The following MALRD1 variants were observed in gnomAD, a reference collection of about 807,000 sequenced individuals.
MALRD1 encodes MAM and LDL receptor class A domain containing 1.
Under a neutral mutation model 242.1 loss-of-function variants are expected in MALRD1, and 247 were observed. The ratio of observed to expected loss-of-function variants is 1.02; its 90% confidence interval spans 0.92 to 1.13. The LOEUF is 1.13. MALRD1 is among the 50% of genes most tolerant of loss of function. The probability of loss-of-function intolerance (pLI) is 0.00; values close to 1 mark genes in which losing one functional copy is unlikely to be tolerated. For synonymous variants in MALRD1, 995 were observed against 866.6 expected (o/e 1.15, Z -2.60); for missense variants, 2,989 against 2,533.1 (o/e 1.18, Z -3.86).
chr10:19,078,830 T>C (rs569318844), intron 2 of MALRD1, among the ~76,000 whole-genome samples: 23 of 151,940 alleles, frequency 1.5e-4, no homozygotes, highest in Admixed American at 1.4e-3. Flanking sequence ...CCCTTGTAAT[T>C]CTTTTTATTT....
At position 19,554,885 on chromosome 10, in the gene MALRD1, T is replaced by A. The variant is rs141355078; in HGVS notation, c.5479-12617T>A. ...TGCATGTATCTTTGTAATAGAATGA[T>A]TTATATTCCTTTGGGTATATACCCA... On this transcript the variant is annotated intron_variant, in intron 32 of 39. Transcript: ENST00000454679. 2.7e-3 allele frequency among the ~76,000 whole-genome samples: 408 copies of A among 152,288 alleles called. 7 individuals are homozygous for A. In the East Asian group the frequency reaches 0.058, roughly 22 times the overall value.
intron 21 of MALRD1, among the ~76,000 whole-genome samples, chr10:19,287,349 A>G (rs923520607): frequency 1.4e-4 from 21 of 152,044 alleles, no homozygotes; most frequent in African/African-American, 3.9e-4. Context: ...TCCTATTAAG[A>G]GGAATAAAAC....
chr10:19,358,552 A>G (rs1427634933), intron 26 of MALRD1, among the ~76,000 whole-genome samples: 1 of 152,204 alleles, frequency 6.6e-6, no homozygotes, highest in African/African-American at 2.4e-5. Flanking sequence ...ATTTAAAGAC[A>G]TAAACTTGGA....
chr10:19,282,774 A>G (rs1260995793), intron 20 of MALRD1, among the ~76,000 whole-genome samples: 1 of 152,212 alleles, frequency 6.6e-6, no homozygotes, highest in Non-Finnish European at 1.5e-5. Flanking sequence ...TCACCTCCTC[A>G]TGAAACCAGA....
chr10:19,523,383 G>T (rs568395325), intron 31 of MALRD1, among the ~76,000 whole-genome samples: 1 of 152,260 alleles, frequency 6.6e-6, no homozygotes, highest in South Asian at 2.1e-4. Flanking sequence ...AGGTAAAATA[G>T]ATCTGAAATT....
At chr10:19,128,765 T>G (rs1237657717) in intron 8 of MALRD1, among the ~76,000 whole-genome samples, 2 of 152,124 alleles carry the variant, frequency 1.3e-5, no homozygotes, top group Non-Finnish European at 2.9e-5. Flanking sequence ...TGGTTAAAAC[T>G]TACTTGTTTG....
intron 29 of MALRD1, among the ~76,000 whole-genome samples, chr10:19,487,681 T>A (rs1250911715): frequency 6.6e-6 from 1 of 152,156 alleles, no homozygotes; most frequent in Non-Finnish European, 1.5e-5. Flanking sequence ...GTCCACATAC[T>A]GCCCTAGGGT....
At chr10:19,273,509 G>A (rs546260995) in intron 19 of MALRD1, among the ~76,000 whole-genome samples, 14 of 152,202 alleles carry the variant, frequency 9.2e-5, no homozygotes, top group African/African-American at 3.1e-4. Context: ...TAGATAAATA[G>A]GTAATAAACT....
chr10:19,707,700 G>A (rs1480965167), intron 38 of MALRD1, among the ~76,000 whole-genome samples: 1 of 138,624 alleles, frequency 7.2e-6, no homozygotes, highest in African/African-American at 2.5e-5. Context: ...TGTAATCCCA[G>A]TGCTTTGGGA....
chr10:19,088,582 T>TTA (rs1835767177), intron 4 of MALRD1, among the ~76,000 whole-genome samples: 6 of 64,392 alleles, frequency 9.3e-5, no homozygotes, highest in African/African-American at 4.0e-4. Context: ...TATTTATTTA[T>TTA]TTATTTATTT....
At chr10:19,320,153 A>G (rs1000012095) in intron 21 of MALRD1, among the ~76,000 whole-genome samples, 6 of 145,054 alleles carry the variant, frequency 4.1e-5, no homozygotes, top group African/African-American at 1.5e-4. Context: ...AGCTGCACCT[A>G]TCAACCCATC....
chr10:19,293,557 A>G (rs1039569299), intron 21 of MALRD1, among the ~76,000 whole-genome samples: 1 of 152,186 alleles, frequency 6.6e-6, no homozygotes, highest in Non-Finnish European at 1.5e-5. Flanking sequence ...TATCTGGATA[A>G]TTTTTAAAAA....
At chr10:19,609,702 A>G (rs1041519452) in intron 35 of MALRD1, among the ~76,000 whole-genome samples, 2 of 152,088 alleles carry the variant, frequency 1.3e-5, no homozygotes, top group African/African-American at 2.4e-5. Context: ...ATGCAAGTAT[A>G]TTATTTTCAA....
chr10:19,499,623 G>T (rs2358409), intron 31 of MALRD1, among the ~76,000 whole-genome samples: 1 of 151,882 alleles, frequency 6.6e-6, no homozygotes, highest in Admixed American at 6.6e-5. Flanking sequence ...ATCTCCTTCT[G>T]TATATACACA....
chr10:19,118,446 C>T (rs745468797), intron 5 of MALRD1, among the ~76,000 whole-genome samples: 75 of 152,068 alleles, frequency 4.9e-4, no homozygotes, highest in African/African-American at 1.7e-3. Flanking sequence ...GAGGGGGCTT[C>T]CAGGTCATAG....
chr10:19,259,499 G>A (rs1208565758), intron 19 of MALRD1, among the ~76,000 whole-genome samples: 1 of 152,172 alleles, frequency 6.6e-6, no homozygotes, highest in Non-Finnish European at 1.5e-5. Flanking sequence ...CAAAGAGAGT[G>A]TGTACAGGGT....
chr10:19,372,128 A>C (rs1212316233), intron 26 of MALRD1, among the ~76,000 whole-genome samples: 1 of 152,178 alleles, frequency 6.6e-6, no homozygotes, highest in Non-Finnish European at 1.5e-5. Flanking sequence ...TTCAAGACAA[A>C]TAATAGTTGT....
intron 36 of MALRD1, among the ~76,000 whole-genome samples, chr10:19,645,784 C>T (rs986365838): frequency 1.3e-5 from 2 of 151,898 alleles, no homozygotes; most frequent in South Asian, 2.1e-4. Context: ...TGCTAAATGA[C>T]GAGTTAATGG....
At chr10:19,693,129 G>A (rs985592961) in intron 38 of MALRD1, among the ~76,000 whole-genome samples, 26 of 151,930 alleles carry the variant, frequency 1.7e-4, no homozygotes, top group African/African-American at 6.0e-4. Context: ...TACTGAATGG[G>A]CAAAAGCTGG....
Sources: allele counts gnomAD v4.1 joint callset (sites outside exome capture counted in the v4.1 genomes callset), GRCh38; gene constraint gnomAD v4.1.1; transcripts MANE v1.5; gene names NCBI Gene and HGNC (gene_info 2026-07-23, HGNC 2026-07-21).